Variants in MPZ observed in about 807,000 individuals in gnomAD.
The protein encoded by MPZ is myelin protein P0.
A neutral mutation model predicts 27.9 loss-of-function variants in MPZ; 13 were observed. The ratio of observed to expected loss-of-function variants is 0.47; its 90% CI spans 0.30 to 0.74. MPZ has a LOEUF of 0.74. Ranked by LOEUF, MPZ falls within the 30% of genes least tolerant of loss-of-function variation. MPZ has a pLI of 0.06. For missense variants in MPZ, 256 were observed against 317.5 expected (o/e 0.81, Z 1.47); for synonymous variants, 118 against 128.9 (o/e 0.92, Z 0.57).
chr1:161,309,868 A>C lies in MPZ; in HGVS notation c.38T>G (p.Ile13Ser), dbSNP rs747072258. Residue 13 changes from isoleucine to serine, a missense_variant, in exon 1 of 6, where the codon ATC becomes AGC. By Grantham distance (142) the Ile-to-Ser change is moderately radical (BLOSUM62 -2). Coordinates refer to ENST00000533357, the MANE Select transcript of MPZ (RefSeq NM_000530.8). The stretch of plus-strand genomic sequence containing the variant: ...AGAAGAGAAGAGCAGCACAGCCAGG[A>C]TAGGGCTGGGGCTGGATGAGGGAGC... ...PGAPSSSPSP[I>S]LAVLLFSSLV... 1 of 1,588,810 alleles carries C rather than the reference A, an allele frequency of 6.3e-7. No individual in the cohort carries two copies. Among genetic ancestry groups the C allele is most frequent in the Admixed American group, 1.8e-5 (1 of 54,768 alleles).
At position 161,309,886 on chromosome 1, in the gene MPZ, G is replaced by A. The variant is rs1558155838; in HGVS notation, c.20C>T (p.Ser7Leu). ...AGCCAGGATAGGGCTGGGGCTGGAT[G>A]AGGGAGCCCCAGGAGCCATAGCTGG... MAPGAP[S>L]SSPSPILAVL... The change falls in exon 1 of 6, where the codon TCA becomes TTA. Residue 7 changes from serine (S) to leucine (L), a missense_variant. By Grantham distance (145) the Ser-to-Leu change is moderately radical. Coordinates refer to ENST00000533357, the MANE Select transcript of MPZ (RefSeq NM_000530.8). 1 of 1,589,746 alleles carries A rather than the reference G, an allele frequency of 6.3e-7. No homozygotes were observed. The highest frequency in any genetic ancestry group is 8.6e-7 in the Non-Finnish European group (1 of 1,169,236).
In MPZ at chr1:161,305,859, G is replaced by A; in HGVS notation, c.*17C>T. On this transcript the variant is annotated 3_prime_UTR_variant, in exon 6 of 6. Coordinates refer to ENST00000533357, the MANE Select transcript of MPZ (RefSeq NM_000530.8). ...CTCCACCCCTAACCCCCGATCCCCC[G>A]CCCGGCCCGCTAACCGCTATTTCTT... 1 of 731,000 alleles carries A rather than the reference G, an allele frequency of 1.4e-6. No homozygotes were observed. Among genetic ancestry groups the A allele is most frequent in the Non-Finnish European group, 2.3e-6 (1 of 440,766 alleles). The allele number at this position is 731,000 out of a possible 1,614,324, so 45.3% of individuals were successfully genotyped here. A position where few individuals can be genotyped will look rare whatever the true frequency, so the allele number is the denominator to read the frequency against.
At position 161,307,427 on chromosome 1, in the gene MPZ, G is replaced by A. The variant is rs1182729605; in HGVS notation, c.68-3C>T. ...GATGGCCTGGGCCGGGGACAGCACT[G>A]CAAGCACAAAGTGGGGAATCAGATG... On this transcript the variant is annotated splice_region_variant and splice_polypyrimidine_tract_variant and intron_variant, in intron 1 of 5. Transcript: ENST00000533357. 4 of 1,613,940 alleles carry A rather than the reference G, an allele frequency of 2.5e-6. No individual in the cohort carries two copies. In the East Asian group the frequency reaches 8.9e-5, roughly 36 times the overall value.
Position 161,309,869 on chromosome 1 carries a change from T to C in MPZ, c.37A>G (p.Ile13Val), listed in dbSNP as rs145285010. 11 of 1,588,772 alleles carry C rather than the reference T, an allele frequency of 6.9e-6. No homozygotes were observed. Among genetic ancestry groups the C allele is most frequent in the African/African-American group, 2.7e-5 (2 of 74,670 alleles). Reference protein sequence around the residue: ...PGAPSSSPSPILAVLLFSSLV... With the variant: ...PGAPSSSPSPVLAVLLFSSLV... Reference sequence around the variant, plus strand: ...GAAGAGAAGAGCAGCACAGCCAGGATAGGGCTGGGGCTGGATGAGGGAGCC... The same window carrying C: ...GAAGAGAAGAGCAGCACAGCCAGGACAGGGCTGGGGCTGGATGAGGGAGCC... Residue 13 changes from isoleucine to valine, a missense_variant, in exon 1 of 6, where the codon ATC (isoleucine) becomes GTC (valine). Coordinates refer to ENST00000533357, the MANE Select transcript of MPZ (RefSeq NM_000530.8).
rs1017715903 is a variant in MPZ, at chr1:161,306,854, C to T, written c.302G>A (p.Trp101Ter). Residue 101 changes from tryptophan to a stop codon, truncating the protein, a stop_gained, in exon 3 of 6, where the codon TGG becomes TAG. Transcript: ENST00000533357. LOFTEE classifies it high-confidence loss of function. ...EVGTFKERIQ[W>*]VGDPRWKDGS... ...ATCCTTCCAGCGAGGGTCCCCTACC[C>T]ACTGGATGCGCTCTTTGAAGGTCCC... 9 of 1,614,000 alleles carry T rather than the reference C, an allele frequency of 5.6e-6. No homozygotes were observed. Among genetic ancestry groups the T allele is most frequent in the Non-Finnish European group, 7.6e-6 (9 of 1,180,002 alleles).
intron 1 of MPZ, among the ~76,000 whole-genome samples, chr1:161,309,552 A>ATATATATATATATATATTTTTT: frequency 1.2e-5 from 1 of 80,666 alleles, no homozygotes; most frequent in Non-Finnish European, 2.4e-5. Flanking sequence ...ATATATATAT[A>ATATATATATATATATATTTTTT]TTTTTTTTTT....
chr1:161,307,142 C>A, intron 2 of MPZ, 116 bp downstream of exon 2: 1 of 1,397,118 alleles, frequency 7.2e-7, no homozygotes, highest in Non-Finnish European at 9.9e-7. Flanking sequence ...TTTACCTTGC[C>A]AAAGTTGGGG....
chr1:161,309,342 T>C (rs941620382), intron 1 of MPZ, among the ~76,000 whole-genome samples: 3 of 151,934 alleles, frequency 2.0e-5, no homozygotes, highest in African/African-American at 7.3e-5. Context: ...ACCCAGGTGT[T>C]TGAGCCTATT....
rs1322340264 is a variant in MPZ, at chr1:161,307,387, G to T, written c.105C>A (p.Asp35Glu). 2 of 1,614,298 alleles carry T rather than the reference G, an allele frequency of 1.2e-6. No individual in the cohort carries two copies. The highest frequency in any genetic ancestry group is 8.5e-7 in the Non-Finnish European group (1 of 1,180,060). Residue 35 changes from aspartate (D) to glutamate (E), a missense_variant, in exon 2 of 6, where the codon GAC becomes GAA. Physicochemically the swap from Asp to Glu is conservative, Grantham distance 45. Transcript: ENST00000533357. ...SPAQAIVVYT[D>E]REVHGAVGSR... ...AGCCCACAGCACCATGGACCTCCCT[G>T]TCGGTGTAAACCACGATGGCCTGGG...
In MPZ at chr1:161,306,472, G is replaced by T; in HGVS notation, c.449-8C>A. 1.2e-6 allele frequency: 2 copies of T among 1,614,206 alleles called. No individual in the cohort carries two copies. Among genetic ancestry groups the T allele is most frequent in the Non-Finnish European group, 1.7e-6 (2 of 1,180,032 alleles). ...CCCCGTACCTAGTTGGCACTAGGAG[G>T]GGTGGGAAAAGAAGTGGGAGAATGA... is the stretch of plus-strand genomic sequence containing the variant. On this transcript the variant is annotated splice_region_variant and splice_polypyrimidine_tract_variant and intron_variant, in intron 3 of 5. Coordinates refer to ENST00000533357, the MANE Select transcript of MPZ (RefSeq NM_000530.8).
intron 3 of MPZ, 74 bp downstream of exon 3, chr1:161,306,633 TC>T: frequency 4.4e-6 from 7 of 1,573,198 alleles, no homozygotes; most frequent in Non-Finnish European, 3.5e-6. Flanking sequence ...TTTTGCCTCT[TC>T]CCCCAACCTA....
chr1:161,305,235 A>ATC lies in MPZ; in HGVS notation c.*640_*641insGA, dbSNP rs1289461614. The ATC allele has an allele frequency of 6.5e-6, 1 of 153,266 alleles. No individual in the cohort carries two copies. The highest frequency in any genetic ancestry group is 1.5e-5 in the Non-Finnish European group (1 of 68,520). 9.5% of individuals were successfully genotyped at this position (153,266 alleles called of 1,614,324 possible). On this transcript the variant is annotated 3_prime_UTR_variant, in exon 6 of 6. Coordinates refer to ENST00000533357, the MANE Select transcript of MPZ (RefSeq NM_000530.8). ...AAAATAATAACCTAAATAAACCCTG[A>ATC]AGGAGAGTCTGATCTGGGTGCTCTG...
chr1:161,306,248 C>A (rs1394258190), intron 4 of MPZ, 80 bp from the exon 5 acceptor site: 22 of 1,611,914 alleles, frequency 1.4e-5, no homozygotes, highest in Non-Finnish European at 1.9e-5. Flanking sequence ...TTCCCCTTGG[C>A]CCTCCCACCC....
Position 161,304,850 on chromosome 1 carries a change from T to TCCCCCCC in MPZ, c.*1019_*1025dup, listed in dbSNP as rs955387344. The TCCCCCCC allele has an allele frequency of 7.9e-6, 1 of 126,672 alleles. No individual in the cohort carries two copies. The highest frequency in any genetic ancestry group is 3.0e-5 in the African/African-American group (1 of 33,290). 7.8% of individuals were successfully genotyped at this position (126,672 alleles called of 1,614,324 possible). ...CTGTGGCTGCAGTGCAGCCTCTTCC[T>TCCCCCCC]CCCCCCCGCCCCCCCATTTCCCATT... On this transcript the variant is annotated 3_prime_UTR_variant, in exon 6 of 6. Coordinates refer to ENST00000533357, the MANE Select transcript of MPZ (RefSeq NM_000530.8).
Position 161,305,855 on chromosome 1 carries a change from C to A in MPZ, c.*21G>T. On this transcript the variant is annotated 3_prime_UTR_variant, in exon 6 of 6. Coordinates refer to ENST00000533357, the MANE Select transcript of MPZ (RefSeq NM_000530.8). ...CGGACTCCACCCCTAACCCCCGATC[C>A]CCCGCCCGGCCCGCTAACCGCTATT... The A allele has an allele frequency of 6.3e-7, 1 of 1,586,260 alleles. No individual in the cohort carries two copies. Among genetic ancestry groups the A allele is most frequent in the Non-Finnish European group, 8.6e-7 (1 of 1,157,848 alleles).
intron 5 of MPZ, 32 bp downstream of exon 5, chr1:161,306,076 C>T (rs752451925): frequency 6.2e-7 from 1 of 1,613,850 alleles, no homozygotes; most frequent in Non-Finnish European, 8.5e-7. Flanking sequence ...GGTTCTCCTT[C>T]CCATCTTGTC....
At chr1:161,307,151 G>T (rs937793422) in intron 2 of MPZ, 107 bp downstream of exon 2, 3 of 1,440,418 alleles carry the variant, frequency 2.1e-6, no homozygotes, top group South Asian at 1.2e-5. Flanking sequence ...CCAAAGTTGG[G>T]GTTATGGCTC....
At position 161,304,858 on chromosome 1, in the gene MPZ, G is replaced by GC. The variant is rs201616916; in HGVS notation, c.*1017dup. ...GCAGTGCAGCCTCTTCCTCCCCCCC[G>GC]CCCCCCCATTTCCCATTTGTTTTTC... On this transcript the variant is annotated 3_prime_UTR_variant, in exon 6 of 6. Transcript: ENST00000533357. 28 of 81,564 alleles carry GC rather than the reference G, an allele frequency of 3.4e-4. No homozygotes were observed. Among genetic ancestry groups the GC allele is most frequent in the South Asian group, 5.1e-4 (1 of 1,970 alleles). The allele number at this position is 81,564 out of a possible 1,614,324, so 5.1% of individuals were successfully genotyped here.
chr1:161,307,482 G>A (rs530445367), intron 1 of MPZ, 58 bp from the exon 2 acceptor site: 1 of 1,599,484 alleles, frequency 6.3e-7, no homozygotes. Context: ...GGATACAGAG[G>A]AAGTGAGATC....
Sources: allele counts gnomAD v4.1 joint callset (sites outside exome capture counted in the v4.1 genomes callset), GRCh38; gene constraint gnomAD v4.1.1; transcripts MANE v1.5; gene names NCBI Gene and HGNC (gene_info 2026-07-23, HGNC 2026-07-21).